Variants in SEMA6A observed in about 807,000 individuals in gnomAD.
SEMA6A encodes semaphorin 6A.
In SEMA6A, 25 loss-of-function variants were observed where a neutral mutation model predicts 96.8. The ratio of observed to expected loss-of-function variants is 0.26; its 90% CI spans 0.19 to 0.36. The LOEUF (loss-of-function observed/expected upper bound fraction) is 0.36. Ranked by LOEUF, SEMA6A falls within the 10% of genes least tolerant of loss-of-function variation. The probability of loss-of-function intolerance (pLI) is 1.00; values close to 1 mark genes in which losing one functional copy is unlikely to be tolerated. For missense variants in SEMA6A, 1,363 were observed against 1,323.1 expected, an observed-to-expected ratio of 1.03 and a Z score of -0.47; for synonymous variants, 612 against 518.0, an observed-to-expected ratio of 1.18 and a Z score of -2.46.
chr5:116,486,279 G>A (rs547626260), intron 10 of SEMA6A, among the ~76,000 whole-genome samples: 7 of 152,146 alleles, frequency 4.6e-5, no homozygotes, highest in East Asian at 3.9e-4. Flanking sequence ...TACTGATCCC[G>A]TCATGAGAAT....
intron 18 of SEMA6A, among the ~76,000 whole-genome samples, chr5:116,454,197 G>A (rs1200989373): frequency 6.6e-6 from 1 of 152,054 alleles, no homozygotes; most frequent in Non-Finnish European, 1.5e-5. Context: ...AATATGCAAA[G>A]GCAAAAAGGA....
At position 116,446,912 on chromosome 5, in the gene SEMA6A, T is replaced by A. The variant is rs754827214; in HGVS notation, c.2794A>T (p.Thr932Ser). Residue 932 changes from threonine to serine, a missense_variant, in exon 19 of 19, where the codon ACC becomes TCC. By Grantham distance (58) the Thr-to-Ser change is moderately conservative. Transcript: ENST00000343348. ...TNSLTRSHQA[T>S]TLKRNNTNSS... ...TTAGTGTTGTTTCTTTTGAGAGTGGTGGCCTGGTGGCTTCTCGTGAGCGAG... is the reference window on the plus strand; with the variant it reads ...TTAGTGTTGTTTCTTTTGAGAGTGGAGGCCTGGTGGCTTCTCGTGAGCGAG... 1.9e-6 allele frequency: 3 copies of A among 1,613,988 alleles called. No individual in the cohort carries two copies. In the South Asian group the frequency reaches 3.3e-5, roughly 18 times the overall value.
intron 1 of SEMA6A, among the ~76,000 whole-genome samples, chr5:116,566,394 G>A (rs573978882): frequency 8.3e-4 from 126 of 152,326 alleles, no homozygotes; most frequent in Middle Eastern, 6.8e-3. Flanking sequence ...TCTAAAGGCT[G>A]CATGAGGAAG....
At chr5:116,498,101 T>C (rs113714658) in intron 3 of SEMA6A, among the ~76,000 whole-genome samples, 45 of 152,284 alleles carry the variant, frequency 3.0e-4, no homozygotes, top group African/African-American at 8.9e-4. Flanking sequence ...TGTGGGGCTA[T>C]ATTTAAACAT....
At chr5:116,515,417 T>C (rs1337059686) in intron 1 of SEMA6A, among the ~76,000 whole-genome samples, 1 of 152,174 alleles carries the variant, frequency 6.6e-6, no homozygotes, top group Non-Finnish European at 1.5e-5. Context: ...GTTGAGTATA[T>C]GGGTTATTTT....
At chr5:116,495,953 G>A (rs1043309910) in intron 5 of SEMA6A, 21 of 367,726 alleles carry the variant, frequency 5.7e-5, no homozygotes, top group African/African-American at 1.1e-4. Flanking sequence ...CTTGGACTGC[G>A]GAGGTGGGCA....
intron 10 of SEMA6A, 150 bp downstream of exon 10, chr5:116,486,599 T>C (rs1019923117): frequency 4.7e-6 from 3 of 633,250 alleles, no homozygotes; most frequent in Middle Eastern, 4.2e-4. Context: ...TTTTAATTTG[T>C]TGATGAAAAC....
Position 116,491,768 on chromosome 5 carries a change from G to C in SEMA6A, c.507C>G (p.Ala169=). The C allele has an allele frequency of 1.2e-6, 2 of 1,613,748 alleles. No homozygotes were observed. The highest frequency in any genetic ancestry group is 1.7e-6 in the Non-Finnish European group (2 of 1,179,700). ...FSGMARCPYD[A]KHANVALFAD... ...CAAACAGTGCAACGTTGGCATGTTT[G>C]GCATCATATGGGCATCTGGCCATTC... Residue 169 remains alanine (A), a synonymous_variant, in exon 7 of 19, where the codon GCC becomes GCG. Coordinates refer to ENST00000343348, the MANE Select transcript of SEMA6A (RefSeq NM_020796.5).
chr5:116,480,142 C>G lies in SEMA6A; in HGVS notation c.1230G>C (p.Trp410Cys). 7 of 1,613,752 alleles carry G rather than the reference C, an allele frequency of 4.3e-6. No homozygotes were observed. The highest frequency in any genetic ancestry group is 5.9e-6 in the Non-Finnish European group (7 of 1,179,762). Residue 410 changes from tryptophan (W) to cysteine (C), a missense_variant, in exon 12 of 19, where the codon TGG becomes TGC. This residue lies in a region of SEMA6A where 480 missense variants were observed against 559.5 expected (regional missense o/e 0.86). Transcript: ENST00000343348. ...EAVPSIFNRP[W>C]FLRTMVRYRL... ...CCCACCTGACCATTGTTCTCAGGAA[C>G]CATGGCCTGTTGAAGATGGAGGGCA... is the stretch of plus-strand genomic sequence containing the variant.
intron 6 of SEMA6A, 37 bp downstream of exon 6, chr5:116,495,376 C>T: frequency 6.8e-7 from 1 of 1,465,072 alleles, no homozygotes; most frequent in Non-Finnish European, 9.5e-7. Context: ...TGAAATGCCT[C>T]CTGGCAGTGT....
chr5:116,526,633 T>G (rs938695629), intron 1 of SEMA6A, among the ~76,000 whole-genome samples: 1 of 152,214 alleles, frequency 6.6e-6, no homozygotes, highest in Non-Finnish European at 1.5e-5. Flanking sequence ...AAGTTTTAAC[T>G]TTTCCAAGGG....
chr5:116,486,396 G>GTATA (rs1561489598), intron 10 of SEMA6A, among the ~76,000 whole-genome samples: 1 of 152,104 alleles, frequency 6.6e-6, no homozygotes. Context: ...AGACCAGGTA[G>GTATA]TATAATATGT....
chr5:116,460,815 TC>T (rs1755346863), intron 18 of SEMA6A, among the ~76,000 whole-genome samples: 1 of 144,598 alleles, frequency 6.9e-6, no homozygotes, highest in South Asian at 2.2e-4. Flanking sequence ...AGACAAAGTC[TC>T]CCTCTGTCAC....
chr5:116,447,198 G>C lies in SEMA6A; in HGVS notation c.2508C>G (p.Ser836Arg). 3 of 1,614,016 alleles carry C rather than the reference G, an allele frequency of 1.9e-6. No homozygotes were observed. The South Asian group carries it at 3.3e-5, about 18-fold the overall frequency. Reference sequence around the variant, plus strand: ...CCTCCAGCGCCATCTGGGCCACCTCGCTCATTTTGGGCTGGTCCACGTACT... The same window carrying C: ...CCTCCAGCGCCATCTGGGCCACCTCCCTCATTTTGGGCTGGTCCACGTACT... ...QHEYVDQPKM[S>R]EVAQMALEDQ... The change falls in exon 19 of 19, where the codon AGC becomes AGG. Residue 836 changes from serine to arginine, a missense_variant. Ser to Arg is a moderately radical substitution (Grantham distance 110). This residue lies in a region of SEMA6A where 883 missense variants were observed against 763.6 expected (regional missense o/e 1.16). Coordinates refer to ENST00000343348, the MANE Select transcript of SEMA6A (RefSeq NM_020796.5).
chr5:116,469,705 G>A (rs1365957284), intron 17 of SEMA6A, among the ~76,000 whole-genome samples: 4 of 152,182 alleles, frequency 2.6e-5, no homozygotes, highest in African/African-American at 9.7e-5. Context: ...TATGGTTTAG[G>A]GAGAACATTT....
At chr5:116,546,930 CAACTGACTTTTCCAT>C (rs1218304648) in intron 1 of SEMA6A, among the ~76,000 whole-genome samples, 10 of 152,308 alleles carry the variant, frequency 6.6e-5, no homozygotes, top group African/African-American at 2.4e-4. Context: ...GATAAGCAAT[CAACTGACTTTTCCAT>C]ATAGATTCTC....
chr5:116,518,159 T>C (rs1032209780), intron 1 of SEMA6A, among the ~76,000 whole-genome samples: 4 of 152,230 alleles, frequency 2.6e-5, no homozygotes, highest in Admixed American at 1.3e-4. Flanking sequence ...AACTGTTATC[T>C]TGGACAACAG....
chr5:116,544,118 G>A (rs902130019), intron 1 of SEMA6A, among the ~76,000 whole-genome samples: 9 of 152,090 alleles, frequency 5.9e-5, no homozygotes, highest in Non-Finnish European at 1.2e-4. Context: ...CACTATGGGT[G>A]GTCTTTCCTT....
chr5:116,478,596 C>A lies in SEMA6A; in HGVS notation c.1373G>T (p.Gly458Val), dbSNP rs759616573. The A allele has an allele frequency of 1.9e-6, 3 of 1,613,324 alleles. No homozygotes were observed. The highest frequency in any genetic ancestry group is 2.5e-6 in the Non-Finnish European group (3 of 1,179,662). Residue 458 changes from glycine (G) to valine (V), a missense_variant, in exon 13 of 19, where the codon GGT becomes GTT. Around this residue, in one of 2 missense-constraint regions of SEMA6A, gnomAD observed 883 missense variants for 763.6 expected, o/e 1.16. Coordinates refer to ENST00000343348, the MANE Select transcript of SEMA6A (RefSeq NM_020796.5). ...LKFLARIGNS[G>V]FLNDSLFLEE... ...CAGGAAAAGGCTGTCATTTAGAAAA[C>A]CACTATTTCCTATTCTGGCCAAAAA...
Sources: gnomAD v4.1 joint callset for allele counts (sites outside exome capture counted in the v4.1 genomes callset) on GRCh38, gnomAD v4.1.1 for gene constraint, gnomAD v4.1.1 regional missense constraint, MANE v1.5 for transcripts, NCBI Gene and HGNC (gene_info 2026-07-23, HGNC 2026-07-21) for gene names.